Variants in SUSD5 observed in about 807,000 individuals in gnomAD.
SUSD5 encodes sushi domain-containing protein 5.
Under a neutral mutation model 29.5 loss-of-function variants are expected in SUSD5, and 33 were observed. That is an observed-to-expected ratio of 1.12 (90% CI 0.85 to 1.49). The LOEUF is 1.49. Among genes scored for constraint, SUSD5 ranks in the 40% most tolerant of loss-of-function variants. The pLI is 0.00. For synonymous variants in SUSD5, 308 were observed against 325.3 expected, an observed-to-expected ratio of 0.95 and a Z score of 0.57; for missense variants, 776 against 800.6, an observed-to-expected ratio of 0.97 and a Z score of 0.37.
intron 3 of SUSD5, among the ~76,000 whole-genome samples, chr3:33,186,202 T>C (rs1281568575): frequency 6.6e-6 from 1 of 151,240 alleles, no homozygotes; most frequent in Non-Finnish European, 1.5e-5. Flanking sequence ...CTCGGGAGGC[T>C]GAGGCAGGAG....
intron 4 of SUSD5, among the ~76,000 whole-genome samples, chr3:33,163,601 C>A (rs938636600): frequency 6.6e-6 from 1 of 152,166 alleles, no homozygotes; most frequent in Non-Finnish European, 1.5e-5. Context: ...GTGGCTCATG[C>A]TTATAATCCC....
At chr3:33,161,254 G>A (rs2031181985) in intron 4 of SUSD5, among the ~76,000 whole-genome samples, 1 of 152,136 alleles carries the variant, frequency 6.6e-6, no homozygotes, top group Non-Finnish European at 1.5e-5. Flanking sequence ...GGTAAATGGA[G>A]TCAAAGTGTT....
At chr3:33,185,474 A>G (rs917731317) in intron 3 of SUSD5, among the ~76,000 whole-genome samples, 1 of 152,130 alleles carries the variant, frequency 6.6e-6, no homozygotes, top group African/African-American at 2.4e-5. Flanking sequence ...CAATTCATCA[A>G]TTACAGCTAC....
intron 4 of SUSD5, among the ~76,000 whole-genome samples, chr3:33,154,470 C>G (rs1255721544): frequency 1.3e-5 from 2 of 152,094 alleles, no homozygotes; most frequent in African/African-American, 4.8e-5. Flanking sequence ...TTGCAGTGAG[C>G]CAACATCGTA....
chr3:33,186,624 A>T (rs994704889), intron 3 of SUSD5, among the ~76,000 whole-genome samples: 5 of 152,012 alleles, frequency 3.3e-5, no homozygotes, highest in South Asian at 2.1e-4. Context: ...ACAGGGTTTC[A>T]CCATGTTGGC....
At chr3:33,174,775 T>C in intron 4 of SUSD5, 111 bp downstream of exon 4, 1 of 1,310,090 alleles carries the variant, frequency 7.6e-7, no homozygotes. Flanking sequence ...GAAAGCCTCT[T>C]TTCAAAGGCA....
At chr3:33,182,475 T>C (rs761965947) in intron 3 of SUSD5, among the ~76,000 whole-genome samples, 51 of 152,222 alleles carry the variant, frequency 3.4e-4, no homozygotes, top group Non-Finnish European at 6.5e-4. Context: ...ACTATGTGCT[T>C]GCTGATCTGC....
chr3:33,179,190 G>A (rs1382827906), intron 3 of SUSD5, among the ~76,000 whole-genome samples: 1 of 152,156 alleles, frequency 6.6e-6, no homozygotes, highest in African/African-American at 2.4e-5. Flanking sequence ...TATCAAATTT[G>A]TAGGCATAGA....
intron 3 of SUSD5, among the ~76,000 whole-genome samples, chr3:33,196,363 C>G (rs4356771): frequency 0.019 from 2,881 of 152,308 alleles, 57 homozygotes; most frequent in East Asian, 0.083. Context: ...GCTGGGAACA[C>G]AGAGGATTAC....
At chr3:33,192,738 G>A (rs1224881553) in intron 3 of SUSD5, among the ~76,000 whole-genome samples, 1 of 151,994 alleles carries the variant, frequency 6.6e-6, no homozygotes, top group East Asian at 1.9e-4. Flanking sequence ...GAACCCAGAA[G>A]GTTAGAAGGT....
chr3:33,186,447 A>T (rs569193465), intron 3 of SUSD5, among the ~76,000 whole-genome samples: 1 of 149,374 alleles, frequency 6.7e-6, no homozygotes, highest in South Asian at 2.1e-4. Flanking sequence ...TTTTTGAGAC[A>T]GAGTCTCATT....
intron 3 of SUSD5, among the ~76,000 whole-genome samples, chr3:33,193,074 T>G (rs998443687): frequency 1.3e-5 from 2 of 152,074 alleles, no homozygotes; most frequent in African/African-American, 4.8e-5. Flanking sequence ...TAGCAATAAG[T>G]TGATAAGACT....
chr3:33,179,008 T>C (rs945053332), intron 3 of SUSD5, among the ~76,000 whole-genome samples: 6 of 152,184 alleles, frequency 3.9e-5, no homozygotes, highest in African/African-American at 7.2e-5. Flanking sequence ...TTGTAGAGAA[T>C]TGGCATAATG....
chr3:33,199,515 C>T (rs957446870), intron 3 of SUSD5, among the ~76,000 whole-genome samples: 2 of 152,192 alleles, frequency 1.3e-5, no homozygotes, highest in Non-Finnish European at 2.9e-5. Context: ...CCTCGTGATC[C>T]GCCCGCCTCG....
intron 4 of SUSD5, among the ~76,000 whole-genome samples, chr3:33,162,767 A>G (rs2031217196): frequency 6.6e-6 from 1 of 152,222 alleles, no homozygotes; most frequent in Admixed American, 6.5e-5. Context: ...AGCCTGGCCA[A>G]CACGGTGAAA....
chr3:33,161,684 C>T lies in SUSD5; in HGVS notation c.599-7651G>A, dbSNP rs112708692. On this transcript the variant is annotated intron_variant, in intron 4 of 4. Coordinates refer to ENST00000309558, the MANE Select transcript of SUSD5 (RefSeq NM_015551.2). ...AAAGTAAAAGAATTAAAAAAAGTCACGAAGAGGCTAACCAGCAAAAAAGAC... is the reference window on the plus strand; with the variant it reads ...AAAGTAAAAGAATTAAAAAAAGTCATGAAGAGGCTAACCAGCAAAAAAGAC... Among the ~76,000 whole-genome samples, 630 of 152,020 alleles carry T rather than the reference C, an allele frequency of 4.1e-3. 7 individuals are homozygous for T. Among genetic ancestry groups the T allele is most frequent in the African/African-American group, 0.015 (606 of 41,502 alleles).
chr3:33,188,128 A>G (rs1378074907), intron 3 of SUSD5, among the ~76,000 whole-genome samples: 4 of 152,178 alleles, frequency 2.6e-5, no homozygotes, highest in Non-Finnish European at 5.9e-5. Flanking sequence ...AAAAGGGCAC[A>G]TTTGCCTGCC....
At chr3:33,158,703 C>T (rs2031109306) in intron 4 of SUSD5, among the ~76,000 whole-genome samples, 1 of 152,206 alleles carries the variant, frequency 6.6e-6, no homozygotes, top group African/African-American at 2.4e-5. Flanking sequence ...CCAGTTGTCT[C>T]CTAGAGGTTC....
At chr3:33,154,071 A>G in intron 4 of SUSD5, 38 bp from the exon 5 acceptor site, 1 of 1,499,764 alleles carries the variant, frequency 6.7e-7, no homozygotes, top group Non-Finnish European at 8.9e-7. Context: ...TTAGCTCCAA[A>G]GGCACAGAGC....
Sources: allele counts gnomAD v4.1 joint callset (sites outside exome capture counted in the v4.1 genomes callset), GRCh38; gene constraint gnomAD v4.1.1; transcripts MANE v1.5; gene names NCBI Gene and HGNC (gene_info 2026-07-23, HGNC 2026-07-21).